The following TYW5 variants were observed in gnomAD, a reference collection of about 807,000 sequenced individuals.
The protein encoded by TYW5 is tRNA wybutosine-synthesizing protein 5.
TYW5 carries 36 observed loss-of-function variants against 44.4 expected under a neutral mutation model. The ratio of observed to expected loss-of-function variants is 0.81; its 90% CI spans 0.62 to 1.07. TYW5 has a LOEUF of 1.07. TYW5 is among the 50% of genes least tolerant of loss of function. The pLI is 0.00. For synonymous variants in TYW5, 121 were observed against 128.1 expected (o/e 0.94, Z 0.37); for missense variants, 354 against 365.7 (o/e 0.97, Z 0.26).
rs1026860711 is a variant in TYW5 at position 199,940,236 on chromosome 2, T to TA, written c.304-104dup. ...ATCATGTATTCATAATAATTAAAAG[T>TA]AAAAAAAAGAATTATGTACTGAGAA... On this transcript the variant is annotated intron_variant, in intron 3 of 7. Coordinates refer to ENST00000354611, the MANE Select transcript of TYW5 (RefSeq NM_001039693.3). 67 of 1,052,766 alleles carry TA rather than the reference T, an allele frequency of 6.4e-5. 1 individual carries two copies. Among genetic ancestry groups the TA allele is most frequent in the East Asian group, 1.5e-4 (6 of 39,286 alleles). 65.2% of individuals were successfully genotyped at this position (1,052,766 alleles called of 1,614,324 possible).
intron 2 of TYW5, 114 bp downstream of exon 2, chr2:199,948,204 T>C: frequency 1.3e-5 from 14 of 1,101,994 alleles, no homozygotes; most frequent in Non-Finnish European, 1.8e-5. Flanking sequence ...CATGATTACA[T>C]CAAACCAGCC....
intron 5 of TYW5, among the ~76,000 whole-genome samples, chr2:199,937,879 C>A (rs1280377422): frequency 1.3e-5 from 2 of 151,550 alleles, no homozygotes; most frequent in Admixed American, 1.3e-4. Flanking sequence ...AAATGTTATA[C>A]TGTGATTTAG....
chr2:199,937,983 C>G (rs534409851), intron 5 of TYW5, among the ~76,000 whole-genome samples: 96 of 152,188 alleles, frequency 6.3e-4, no homozygotes, highest in African/African-American at 2.2e-3. Flanking sequence ...ATATACCATA[C>G]TAGTATTTTT....
In TYW5 at chr2:199,943,870, A is replaced by T. The variant is rs150904179; in HGVS notation, c.234-36T>A. 3 of 1,505,796 alleles carry T rather than the reference A, an allele frequency of 2.0e-6. No individual in the cohort carries two copies. The South Asian group carries it at 3.6e-5, about 18-fold the overall frequency. The allele number at this position is 1,505,796 out of a possible 1,614,324, so 93.3% of individuals were successfully genotyped here. On this transcript the variant is annotated intron_variant, in intron 2 of 7. Transcript: ENST00000354611. The stretch of plus-strand genomic sequence containing the variant: ...CACAAAGGAATCCTTGGACTTAATA[A>T]TAACAGATCAACTAGTAAGAATCTA...
chr2:199,937,751 A>C (rs1458830882), intron 5 of TYW5, among the ~76,000 whole-genome samples: 2 of 152,244 alleles, frequency 1.3e-5, no homozygotes, highest in Non-Finnish European at 2.9e-5. Context: ...TCACCATGTT[A>C]TTCATATAAA....
chr2:199,939,186 T>C (rs1272239497), intron 4 of TYW5, 116 bp from the exon 5 acceptor site: 4 of 871,122 alleles, frequency 4.6e-6, no homozygotes, highest in Non-Finnish European at 6.6e-6. Flanking sequence ...CATGTGCCAA[T>C]ACATGATCTC....
intron 2 of TYW5, chr2:199,945,653 T>C (rs1031689772): frequency 3.9e-5 from 6 of 152,264 alleles, no homozygotes; most frequent in Non-Finnish European, 5.9e-5. Flanking sequence ...ATCTGGACCA[T>C]AGCCACTACT....
intron 2 of TYW5, 122 bp from the exon 3 acceptor site, chr2:199,943,956 A>G (rs1415452585): frequency 1.6e-6 from 1 of 617,920 alleles, no homozygotes; most frequent in Non-Finnish European, 2.7e-6. Flanking sequence ...AATATCTGTA[A>G]TTTTTATTAT....
chr2:199,933,106 T>A lies in TYW5; in HGVS notation c.909A>T (p.Leu303=). ...YRDFYARRMV[L]HIQDKAYSKN... ...TGCTGTAGGCTTTGTCTTGAATGTG[T>A]AGGACCATTCGTCGTGCATAGAAGT... The change falls in exon 8 of 8, where the codon CTA becomes CTT. Residue 303 remains leucine, a synonymous_variant. Transcript: ENST00000354611. 1 of 1,614,202 alleles carries A rather than the reference T, an allele frequency of 6.2e-7. No individual in the cohort carries two copies. Among genetic ancestry groups the A allele is most frequent in the Non-Finnish European group, 8.5e-7 (1 of 1,180,020 alleles).
chr2:199,933,459 AC>A, intron 7 of TYW5, 136 bp from the exon 8 acceptor site: 1 of 720,302 alleles, frequency 1.4e-6, no homozygotes, highest in Middle Eastern at 4.0e-4. Context: ...TCGTTAGCAC[AC>A]TCCAGGCTTT....
chr2:199,943,940 T>C (rs909934316), intron 2 of TYW5, 106 bp from the exon 3 acceptor site: 3 of 702,230 alleles, frequency 4.3e-6, no homozygotes, highest in African/African-American at 1.8e-5. Context: ...TAATCTCCTG[T>C]TTTATAATAT....
intron 1 of TYW5, among the ~76,000 whole-genome samples, chr2:199,952,373 T>C (rs1429563601): frequency 3.3e-5 from 5 of 152,214 alleles, no homozygotes; most frequent in Admixed American, 6.5e-5. Flanking sequence ...CAGAGCTTTT[T>C]AAATTTTTGC....
intron 2 of TYW5, chr2:199,947,025 G>A (rs1396714114): frequency 6.6e-6 from 1 of 152,076 alleles, no homozygotes; most frequent in Admixed American, 6.6e-5. Flanking sequence ...TCATCATTCT[G>A]GCATTTTTAA....
intron 1 of TYW5, 110 bp downstream of exon 1, chr2:199,955,283 C>A: frequency 8.0e-7 from 1 of 1,253,960 alleles, no homozygotes; most frequent in Non-Finnish European, 1.1e-6. Flanking sequence ...TGCCGTCCTG[C>A]GCCTCTTTCC....
Position 199,939,049 on chromosome 2 carries a change from G to A in TYW5, c.370C>T (p.Gln124Ter). The change falls in exon 5 of 8, where the codon CAG becomes TAG. Residue 124 changes from glutamine (Q) to a stop codon, truncating the protein, a stop_gained. Transcript: ENST00000354611. LOFTEE classifies it high-confidence loss of function. ...PRKDVADIRK[Q>*]FPLLKGDIKF... ...ATATCTCCTTTCAACAAAGGAAACT[G>A]CTTTCTGATATCTGCAACATCCTGC... 6.2e-7 allele frequency: 1 copy of A among 1,610,220 alleles called. No individual in the cohort carries two copies. The highest frequency in any genetic ancestry group is 8.5e-7 in the Non-Finnish European group (1 of 1,178,872).
chr2:199,931,717 G>A lies in TYW5; in HGVS notation c.*1350C>T, dbSNP rs1244799516. 1.3e-5 allele frequency: 2 copies of A among 152,142 alleles called. No individual in the cohort carries two copies. The highest frequency in any genetic ancestry group is 4.8e-5 in the African/African-American group (2 of 41,524). The allele number at this position is 152,142 out of a possible 1,614,324, so 9.4% of individuals were successfully genotyped here. A position where few individuals can be genotyped will look rare whatever the true frequency, so the allele number is the denominator to read the frequency against. ...TATAATTTATAGGACATGAGTGGAT[G>A]GATTCTCTTCAATAGAGAAAATGAT... On this transcript the variant is annotated 3_prime_UTR_variant, in exon 8 of 8. Transcript: ENST00000354611.
Position 199,930,868 on chromosome 2 carries a change from T to G in TYW5, c.*2199A>C, listed in dbSNP as rs1442179548. On this transcript the variant is annotated 3_prime_UTR_variant, in exon 8 of 8. Coordinates refer to ENST00000354611, the MANE Select transcript of TYW5 (RefSeq NM_001039693.3). ...AAGCAATCTGGGTTGGTTAGATGGCTTCTAAGATCTCTTTCAATAAAAAAG... is the reference window on the plus strand; with the variant it reads ...AAGCAATCTGGGTTGGTTAGATGGCGTCTAAGATCTCTTTCAATAAAAAAG... 6.6e-6 allele frequency: 1 copy of G among 152,196 alleles called. No individual in the cohort carries two copies. The highest frequency in any genetic ancestry group is 1.5e-5 in the Non-Finnish European group (1 of 68,040). The allele number at this position is 152,196 out of a possible 1,614,324, so 9.4% of individuals were successfully genotyped here. A position where few individuals can be genotyped will look rare whatever the true frequency, so the allele number is the denominator to read the frequency against.
Position 199,948,353 on chromosome 2 carries a change from T to G in TYW5, c.198A>C (p.Ala66=). The G allele has an allele frequency of 6.2e-7, 1 of 1,614,212 alleles. No homozygotes were observed. Among genetic ancestry groups the G allele is most frequent in the Admixed American group, 1.7e-5 (1 of 60,030 alleles). ...KEVKIHVAAV[A]QMDFISKNFV... ...AGTTCTTACTAATGAAGTCCATCTG[T>G]GCAACTGCAGCAACATGAATCTTTA... The change falls in exon 2 of 8, where the codon GCA becomes GCC. Residue 66 remains alanine, a synonymous_variant. Coordinates refer to ENST00000354611, the MANE Select transcript of TYW5 (RefSeq NM_001039693.3).
intron 5 of TYW5, among the ~76,000 whole-genome samples, chr2:199,937,545 T>C (rs1270634733): frequency 6.6e-6 from 1 of 151,950 alleles, no homozygotes; most frequent in African/African-American, 2.4e-5. Context: ...TGTGCATGCC[T>C]GTAATCCTAG....
Sources: allele counts gnomAD v4.1 joint callset (sites outside exome capture counted in the v4.1 genomes callset), GRCh38; gene constraint gnomAD v4.1.1; transcripts MANE v1.5; gene names NCBI Gene and HGNC (gene_info 2026-07-23, HGNC 2026-07-21).